Variants in FBXL13 observed in about 807,000 individuals in gnomAD.
FBXL13 encodes the protein F-box and leucine rich repeat protein 13.
Under a neutral mutation model 83.6 loss-of-function variants are expected in FBXL13, and 67 were observed. That is an observed-to-expected ratio of 0.80 (90% CI 0.66 to 0.98). The LOEUF (loss-of-function observed/expected upper bound fraction) is 0.98. FBXL13 is among the 50% of genes least tolerant of loss of function. The pLI is 0.00. For synonymous variants in FBXL13, 272 were observed against 299.5 expected (o/e 0.91, Z 0.95); for missense variants, 822 against 866.5 (o/e 0.95, Z 0.64).
At chr7:102,961,021 A>G (rs1174323754) in intron 8 of FBXL13, among the ~76,000 whole-genome samples, 26 of 145,852 alleles carry the variant, frequency 1.8e-4, no homozygotes, top group East Asian at 6.4e-4. Context: ...AGGGTATTCA[A>G]TTAGGAAAAG....
chr7:102,812,118 AT>A (rs550273514), downstream of FBXL13, among the ~76,000 whole-genome samples: 1,077 of 152,314 alleles, frequency 7.1e-3, 9 homozygotes, highest in African/African-American at 0.024. Flanking sequence ...CTGATCTGAT[AT>A]TGCTGACAAG....
intron 6 of FBXL13, among the ~76,000 whole-genome samples, chr7:103,016,822 G>T (rs1792403299): frequency 6.6e-6 from 1 of 152,216 alleles, no homozygotes; most frequent in Admixed American, 6.5e-5. Flanking sequence ...AAACAAAGTG[G>T]CCTGGAAGCT....
intron 8 of FBXL13, among the ~76,000 whole-genome samples, chr7:102,957,117 C>G (rs1384570114): frequency 6.6e-6 from 1 of 152,162 alleles, no homozygotes; most frequent in Non-Finnish European, 1.5e-5. Flanking sequence ...AGGCATCGCA[C>G]TACCTGACTT....
chr7:103,074,690 C>T (rs1799488849), upstream of FBXL13: 1 of 1,289,360 alleles, frequency 7.8e-7, no homozygotes, highest in Admixed American at 2.3e-5. Flanking sequence ...CACGCGTGTC[C>T]AGTACCTCGC....
chr7:102,919,371 C>A (rs569063535), intron 10 of FBXL13, among the ~76,000 whole-genome samples: 2 of 152,004 alleles, frequency 1.3e-5, no homozygotes, highest in Non-Finnish European at 2.9e-5. Context: ...AAAATCGGAT[C>A]TAAAAATAAA....
At chr7:102,966,666 T>C (rs560784772) in intron 7 of FBXL13, among the ~76,000 whole-genome samples, 2 of 152,360 alleles carry the variant, frequency 1.3e-5, no homozygotes, top group Admixed American at 6.5e-5. Context: ...CACTGCTTTA[T>C]GTTCAGCAAA....
At chr7:103,060,020 T>TTTTATATA (rs1327615757) in intron 1 of FBXL13, among the ~76,000 whole-genome samples, 6 of 50,078 alleles carry the variant, frequency 1.2e-4, no homozygotes, top group Non-Finnish European at 1.6e-4. Flanking sequence ...GCAAGATATT[T>TTTTATATA]TATATATATA....
chr7:102,905,205 G>A (rs954810500), intron 11 of FBXL13, among the ~76,000 whole-genome samples: 6 of 152,168 alleles, frequency 3.9e-5, no homozygotes, highest in African/African-American at 1.4e-4. Context: ...TGCTGAAAGT[G>A]GGGTGTTGAA....
chr7:102,883,551 T>TA lies in FBXL13; in HGVS notation c.1225+16_1225+17insT. 1.3e-6 allele frequency: 2 copies of TA among 1,591,132 alleles called. 1 individual carries two copies. The highest frequency in any genetic ancestry group is 2.2e-5 in the South Asian group (2 of 89,372). ...AAGTAAACAATAATGCTGAACCACA[T>TA]TTTTAATATAACAGACCTTCAAATC... On this transcript the variant is annotated intron_variant, in intron 13 of 19. Transcript: ENST00000313221.
intron 11 of FBXL13, among the ~76,000 whole-genome samples, chr7:102,901,551 A>G (rs1405075077): frequency 6.6e-6 from 1 of 152,140 alleles, no homozygotes; most frequent in African/African-American, 2.4e-5. Flanking sequence ...TCAACCTCAA[A>G]GCCCCATTAT....
At chr7:102,969,102 T>C (rs1031931769) in intron 6 of FBXL13, among the ~76,000 whole-genome samples, 2 of 152,196 alleles carry the variant, frequency 1.3e-5, no homozygotes, top group African/African-American at 2.4e-5. Context: ...TGTACAGTAA[T>C]ATCCTAGGCC....
chr7:102,898,733 C>T (rs919364076), intron 11 of FBXL13, among the ~76,000 whole-genome samples: 5 of 152,094 alleles, frequency 3.3e-5, no homozygotes, highest in Non-Finnish European at 5.9e-5. Context: ...GATTGCTCTG[C>T]GGTCAATCAC....
intron 9 of FBXL13, 45 bp downstream of exon 10, chr7:102,931,836 A>G: frequency 6.3e-7 from 1 of 1,577,746 alleles, no homozygotes; most frequent in Non-Finnish European, 8.7e-7. Context: ...CAATGTAGCA[A>G]GTCAATCTAT....
At chr7:102,956,743 GACAA>G (rs1317267432) in intron 8 of FBXL13, among the ~76,000 whole-genome samples, 3 of 152,112 alleles carry the variant, frequency 2.0e-5, no homozygotes, top group Non-Finnish European at 4.4e-5. Context: ...ACCATTAACA[GACAA>G]ACAGAGAGCC....
intron 16 of FBXL13, among the ~76,000 whole-genome samples, chr7:102,867,687 ATATATATATTTTT>A (rs1259573537): frequency 2.4e-5 from 2 of 81,966 alleles, no homozygotes; most frequent in African/African-American, 7.5e-5. Context: ...ATATATATAT[ATATATATATTTTT>A]TTTTTTTTTT....
chr7:103,020,850 A>T (rs965024480), intron 6 of FBXL13, among the ~76,000 whole-genome samples: 9 of 152,232 alleles, frequency 5.9e-5, no homozygotes, highest in African/African-American at 2.2e-4. Flanking sequence ...AAACAAATGG[A>T]AAACAATTCC....
intron 11 of FBXL13, among the ~76,000 whole-genome samples, chr7:102,902,917 G>A (rs998642467): frequency 2.0e-5 from 3 of 151,074 alleles, no homozygotes; most frequent in Non-Finnish European, 2.9e-5. Context: ...GTCTTTAGTC[G>A]TTCCATATAA....
intron 17 of FBXL13, 86 bp from the exon 19 acceptor site, chr7:102,833,060 T>C (rs970894064): frequency 2.1e-6 from 3 of 1,420,558 alleles, no homozygotes; most frequent in Non-Finnish European, 2.9e-6. Context: ...AATGTACATT[T>C]CAGTCCCTGA....
At chr7:102,865,350 T>A (rs1301158677) in intron 16 of FBXL13, among the ~76,000 whole-genome samples, 3 of 152,238 alleles carry the variant, frequency 2.0e-5, no homozygotes, top group African/African-American at 7.2e-5. Flanking sequence ...ATATTTATTA[T>A]CTCAATTAGC....
Sources: allele counts gnomAD v4.1 joint callset (sites outside exome capture counted in the v4.1 genomes callset), GRCh38; gene constraint gnomAD v4.1.1; transcripts MANE v1.5; gene names NCBI Gene and HGNC (gene_info 2026-07-23, HGNC 2026-07-21).